The following DLST variants were observed in gnomAD, a reference collection of about 807,000 sequenced individuals.
The protein encoded by DLST is dihydrolipoamide S-succinyltransferase.
DLST carries 17 observed loss-of-function variants against 53.1 expected under a neutral mutation model. The ratio of observed to expected loss-of-function variants is 0.32; its 90% confidence interval spans 0.22 to 0.48. DLST has a LOEUF of 0.48. Ranked by LOEUF, DLST falls within the 20% of genes least tolerant of loss-of-function variation. DLST has a pLI of 0.99. For missense variants in DLST, 512 were observed against 583.9 expected, an observed-to-expected ratio of 0.88 and a Z score of 1.27; for synonymous variants, 206 against 204.8, an observed-to-expected ratio of 1.01 and a Z score of -0.05.
At position 74,900,297 on chromosome 14, in the gene DLST, G is replaced by A; in HGVS notation, c.984G>A (p.Val328=). 1.2e-6 allele frequency: 2 copies of A among 1,613,964 alleles called. No individual in the cohort carries two copies. The highest frequency in any genetic ancestry group is 1.7e-6 in the Non-Finnish European group (2 of 1,179,916). Residue 328 remains valine (V), a synonymous_variant, in exon 13 of 15, where the codon GTG becomes GTA. Transcript: ENST00000334220. Reference sequence around the variant, plus strand: ...CTTTTCACCCCCTTCAGGGTCTGGTGGTTCCAGTCATCAGGAATGTGGAAG... The same window carrying A: ...CTTTTCACCCCCTTCAGGGTCTGGTAGTTCCAGTCATCAGGAATGTGGAAG... The part of the protein sequence containing the change: ...SVAVATPRGL[V]VPVIRNVEAM...
intron 10 of DLST, among the ~76,000 whole-genome samples, chr14:74,897,120 T>A (rs1197416131): frequency 3.3e-5 from 5 of 152,258 alleles, no homozygotes; most frequent in African/African-American, 1.2e-4. Context: ...CACATCTCTT[T>A]CCCTCTTCTG....
intron 6 of DLST, among the ~76,000 whole-genome samples, chr14:74,890,833 C>G (rs1883879505): frequency 6.6e-6 from 1 of 152,130 alleles, no homozygotes; most frequent in African/African-American, 2.4e-5. Flanking sequence ...TCCCAAGTAG[C>G]TGGGATTACA....
intron 2 of DLST, among the ~76,000 whole-genome samples, chr14:74,883,679 G>C (rs759655387): frequency 1.3e-5 from 2 of 152,154 alleles, no homozygotes; most frequent in Non-Finnish European, 2.9e-5. Context: ...TCTCAAAACA[G>C]TAAAAAGTAT....
At chr14:74,895,882 C>T (rs574848793) in intron 10 of DLST, among the ~76,000 whole-genome samples, 1 of 152,130 alleles carries the variant, frequency 6.6e-6, no homozygotes, top group African/African-American at 2.4e-5. Flanking sequence ...GGCAACAGAG[C>T]GAGATTGTGT....
At chr14:74,900,399 G>A (rs1465138363) in intron 13 of DLST, 27 bp downstream of exon 13, 2 of 1,603,586 alleles carry the variant, frequency 1.2e-6, no homozygotes, top group East Asian at 2.2e-5. Flanking sequence ...TATACAAGCT[G>A]CTAAGCAGGC....
chr14:74,888,050 AC>A (rs1883766636), intron 3 of DLST, among the ~76,000 whole-genome samples: 1 of 152,206 alleles, frequency 6.6e-6, no homozygotes, highest in African/African-American at 2.4e-5. Flanking sequence ...ATATATGTCT[AC>A]ATCTCTCACC....
chr14:74,893,484 G>A (rs1883979113), intron 9 of DLST, 60 bp downstream of exon 9: 2 of 1,586,688 alleles, frequency 1.3e-6, no homozygotes, highest in Non-Finnish European at 1.7e-6. Context: ...GATTAGTGGA[G>A]TATGGGTGTG....
At chr14:74,891,972 G>T in intron 7 of DLST, 1 of 471,688 alleles carries the variant, frequency 2.1e-6, no homozygotes. Flanking sequence ...CCAGATGGGT[G>T]AAAAACAGAA....
At chr14:74,897,010 A>T (rs144971094) in intron 10 of DLST, among the ~76,000 whole-genome samples, 17 of 152,194 alleles carry the variant, frequency 1.1e-4, no homozygotes, top group African/African-American at 4.1e-4. Context: ...CCCTTCCTCT[A>T]TTGTCCCAGC....
intron 3 of DLST, 39 bp from the exon 4 acceptor site, chr14:74,889,056 T>TC: frequency 6.5e-7 from 1 of 1,544,644 alleles, no homozygotes; most frequent in Non-Finnish European, 8.6e-7. Context: ...TGTGAGTGGT[T>TC]CGCCTGTTAA....
At chr14:74,894,690 C>T (rs1884021545) in intron 10 of DLST, among the ~76,000 whole-genome samples, 1 of 152,046 alleles carries the variant, frequency 6.6e-6, no homozygotes, top group Non-Finnish European at 1.5e-5. Flanking sequence ...GGAATACAGG[C>T]GCCCCCCACC....
intron 1 of DLST, 66 bp downstream of exon 1, chr14:74,882,082 G>A (rs1883536759): frequency 2.2e-6 from 3 of 1,365,612 alleles, no homozygotes; most frequent in Admixed American, 6.2e-5. Flanking sequence ...GAGGCGGCCT[G>A]GAAGGCAGGG....
intron 3 of DLST, 84 bp downstream of exon 3, chr14:74,885,718 C>T (rs1353293943): frequency 1.1e-5 from 14 of 1,284,294 alleles, no homozygotes; most frequent in Non-Finnish European, 1.4e-5. Context: ...CATCTGATTT[C>T]TTCACTGGCC....
intron 10 of DLST, 49 bp from the exon 11 acceptor site, chr14:74,898,320 A>G: frequency 6.3e-7 from 1 of 1,593,782 alleles, no homozygotes; most frequent in East Asian, 2.2e-5. Flanking sequence ...CCTGTGTGAA[A>G]GTCAAAATGC....
intron 11 of DLST, 124 bp from the exon 12 acceptor site, chr14:74,899,799 T>C (rs1053148004): frequency 4.4e-6 from 3 of 686,134 alleles, no homozygotes; most frequent in Non-Finnish European, 5.1e-6. Context: ...GTGGTGTTCA[T>C]GGTGGTTGGT....
At chr14:74,897,904 AT>A (rs1884119833) in intron 10 of DLST, among the ~76,000 whole-genome samples, 1 of 151,012 alleles carries the variant, frequency 6.6e-6, no homozygotes, top group African/African-American at 2.4e-5. Context: ...GATAGGAGGA[AT>A]ATCACACGGG....
chr14:74,901,069 C>A lies in DLST; in HGVS notation c.1063C>A (p.Arg355=), dbSNP rs780505582. 1 of 1,613,372 alleles carries A rather than the reference C, an allele frequency of 6.2e-7. No homozygotes were observed. The highest frequency in any genetic ancestry group is 8.5e-7 in the Non-Finnish European group (1 of 1,179,758). The change falls in exon 14 of 15, where the codon CGA becomes AGA. Residue 355 remains arginine, a synonymous_variant. Transcript: ENST00000334220. ...CAATTATGAAATCTGTTTTTAGGCC[C>A]GAAAGAATGAACTTGCCATTGAAGA... The part of the protein sequence containing the change: ...RTITELGEKA[R]KNELAIEDMD...
intron 2 of DLST, among the ~76,000 whole-genome samples, chr14:74,883,697 A>G (rs546387337): frequency 6.6e-6 from 1 of 152,262 alleles, no homozygotes; most frequent in Non-Finnish European, 1.5e-5. Flanking sequence ...TATTTTCTCT[A>G]TTTTACAAAT....
Position 74,889,115 on chromosome 14 carries a change from G to A in DLST, c.167G>A (p.Ser56Asn). ...RKVVINNSVF[S>N]VRFFRTTAVC... ...TGTAGCATTAACAACAGTGTCTTCA[G>A]TGTTCGCTTTTTCAGAACTACAGCT... The change falls in exon 4 of 15, where the codon AGT (serine) becomes AAT (asparagine). Residue 56 changes from serine (S) to asparagine (N), a missense_variant. This residue lies in a region of DLST where 129 missense variants were observed against 90.9 expected (regional missense o/e 1.42). Transcript: ENST00000334220. The A allele has an allele frequency of 3.7e-6, 6 of 1,614,172 alleles. No homozygotes were observed. The highest frequency in any genetic ancestry group is 5.1e-6 in the Non-Finnish European group (6 of 1,180,032).
Sources: allele counts gnomAD v4.1 joint callset (sites outside exome capture counted in the v4.1 genomes callset), GRCh38; gene constraint gnomAD v4.1.1; regional missense constraint gnomAD v4.1.1; transcripts MANE v1.5; gene names NCBI Gene and HGNC (gene_info 2026-07-23, HGNC 2026-07-21).